The following DMD variants were observed in gnomAD, a reference collection of about 807,000 sequenced individuals.
DMD encodes the protein dystrophin.
In DMD, 63 loss-of-function variants were observed where a neutral mutation model predicts 330.1. The observed-to-expected ratio is 0.19, with a 90% CI of 0.16 to 0.24. DMD has a LOEUF of 0.24. Among genes scored for constraint, DMD ranks in the 10% least tolerant of loss-of-function variants. DMD has a pLI of 1.00. For synonymous variants in DMD, 1,223 were observed against 959.8 expected, an observed-to-expected ratio of 1.27 and a Z score of -5.07; for missense variants, 3,344 against 2,684.1, an observed-to-expected ratio of 1.25 and a Z score of -5.43.
In DMD at chrX:31,126,602, A is replaced by G. The variant is rs763743278; in HGVS notation, c.11046+40T>C. 124 of 1,161,889 alleles carry G rather than the reference A, an allele frequency of 1.1e-4. No homozygotes were observed. The Admixed American group carries it at 2.7e-3, about 25-fold the overall frequency. ...CGCCAAACATAAAAAGCAGGATGAG[A>G]CAGACAGAAGCCATGGCCGTGAGCC... On this transcript the variant is annotated intron_variant, in intron 78 of 78. Coordinates refer to ENST00000357033, the MANE Select transcript of DMD (RefSeq NM_004006.3).
intron 46 of DMD, among the ~76,000 whole-genome samples, chrX:31,931,278 C>A (rs1250059709): frequency 9.1e-6 from 1 of 110,129 alleles, no homozygotes. Flanking sequence ...TCACCTTCTG[C>A]TTGACAACTA....
At chrX:31,320,167 C>G (rs180872503) in intron 62 of DMD, among the ~76,000 whole-genome samples, 6 of 112,236 alleles carry the variant, frequency 5.3e-5, no homozygotes, top group Admixed American at 9.4e-5. Flanking sequence ...TAGACAAACA[C>G]GTAGTTTGAA....
chrX:33,322,247 G>C (rs1054613397), intron 1 of DMD, among the ~76,000 whole-genome samples: 7 of 110,789 alleles, frequency 6.3e-5, no homozygotes, highest in African/African-American at 2.3e-4. Flanking sequence ...ATCATCTCTA[G>C]CTTTTCATTT....
chrX:32,385,321 T>A (rs2097950309), intron 33 of DMD, among the ~76,000 whole-genome samples: 1 of 110,829 alleles, frequency 9.0e-6, no homozygotes, highest in Non-Finnish European at 1.9e-5. Flanking sequence ...TTCTCTTCAA[T>A]AAATGGTTCT....
chrX:31,892,901 TG>T (rs975914052), intron 47 of DMD, among the ~76,000 whole-genome samples: 1 of 112,393 alleles, frequency 8.9e-6, no homozygotes, highest in Non-Finnish European at 1.9e-5. Flanking sequence ...TTAGATACAC[TG>T]GGTTAAATAA....
At chrX:33,219,083 C>G (rs1371186032) in intron 1 of DMD, among the ~76,000 whole-genome samples, 2 of 111,637 alleles carry the variant, frequency 1.8e-5, no homozygotes, top group Non-Finnish European at 3.8e-5. Flanking sequence ...TTTGTCATGT[C>G]AGTATAAGTG....
rs1057299027 is a variant in DMD at position 32,578,534 on chromosome X, T to A, written c.1603-4688A>T. Among the ~76,000 whole-genome samples the A allele has an allele frequency of 2.7e-5, 3 of 111,974 alleles. No individual in the cohort carries two copies. The East Asian group carries it at 8.4e-4, about 31-fold the overall frequency. Reference sequence around the variant, plus strand: ...AATTCACATGTCATATTGTTGTACGTGCCAAGGACATTTCTCATCTGAATT... The same window carrying A: ...AATTCACATGTCATATTGTTGTACGAGCCAAGGACATTTCTCATCTGAATT... On this transcript the variant is annotated intron_variant, in intron 13 of 78. Coordinates refer to ENST00000357033, the MANE Select transcript of DMD (RefSeq NM_004006.3).
intron 54 of DMD, among the ~76,000 whole-genome samples, chrX:31,650,523 T>C (rs2080391723): frequency 9.0e-6 from 1 of 111,462 alleles, no homozygotes; most frequent in Non-Finnish European, 1.9e-5. Flanking sequence ...TAAAATAATA[T>C]AACAGTCTGC....
At chrX:32,751,504 G>A (rs2070808527) in intron 7 of DMD, among the ~76,000 whole-genome samples, 1 of 111,773 alleles carries the variant, frequency 8.9e-6, no homozygotes, top group African/African-American at 3.3e-5. Context: ...TTCGTGAGGT[G>A]ACTTGGGTCC....
At chrX:32,596,036 T>A (rs552747994) in intron 12 of DMD, among the ~76,000 whole-genome samples, 160 bp from the exon 13 acceptor site, 3 of 112,233 alleles carry the variant, frequency 2.7e-5, no homozygotes, top group African/African-American at 9.7e-5. Flanking sequence ...GCTATGACGC[T>A]CAGCAAAATT....
intron 4 of DMD, among the ~76,000 whole-genome samples, chrX:32,836,172 C>T (rs1382569241): frequency 9.5e-6 from 1 of 105,509 alleles, no homozygotes; most frequent in Non-Finnish European, 2.0e-5. Flanking sequence ...GCTGGAATTA[C>T]AGGCGCCAGC....
At chrX:32,213,370 G>A (rs759258000) in intron 44 of DMD, among the ~76,000 whole-genome samples, 3 of 112,402 alleles carry the variant, frequency 2.7e-5, no homozygotes, top group South Asian at 3.6e-4. Context: ...TTGCCTTATC[G>A]ATGAAGGTAT....
intron 41 of DMD, among the ~76,000 whole-genome samples, chrX:32,336,578 C>T (rs868859832): frequency 3.6e-5 from 4 of 111,222 alleles, no homozygotes; most frequent in Admixed American, 9.7e-5. Context: ...TAGAAGTAAC[C>T]GTAAGAGAAA....
At position 31,649,888 on chromosome X, in the gene DMD, G is replaced by T. The variant is rs770302175; in HGVS notation, c.8027+8102C>A. On this transcript the variant is annotated intron_variant, in intron 54 of 78. Transcript: ENST00000357033. ...CTACAAGGTACATTTCGCATAAGAG[G>T]AATTTAAAATAGGGTATTCAAAATT... Among the ~76,000 whole-genome samples, 22 of 111,010 alleles carry T rather than the reference G, an allele frequency of 2.0e-4. 1 individual carries two copies. The Middle Eastern group carries it at 0.014, about 70-fold the overall frequency.
At chrX:32,193,856 A>G (rs776174217) in intron 44 of DMD, among the ~76,000 whole-genome samples, 1 of 111,488 alleles carries the variant, frequency 9.0e-6, no homozygotes, top group South Asian at 3.8e-4. Context: ...TTCACAGTGG[A>G]AGATTATTGA....
chrX:31,201,170 C>CAT (rs1247855212), intron 67 of DMD, among the ~76,000 whole-genome samples: 1 of 104,298 alleles, frequency 9.6e-6, no homozygotes, highest in East Asian at 3.0e-4. Context: ...CACACACACA[C>CAT]ACACACACAC....
At chrX:31,663,209 G>A (rs1317797400) in intron 53 of DMD, among the ~76,000 whole-genome samples, 3 of 111,799 alleles carry the variant, frequency 2.7e-5, no homozygotes, top group African/African-American at 9.8e-5. Flanking sequence ...CCCACTGGAC[G>A]GCTGCTCCCT....
At chrX:33,292,084 C>A (rs1230463185) in intron 1 of DMD, among the ~76,000 whole-genome samples, 1 of 111,184 alleles carries the variant, frequency 9.0e-6, no homozygotes, top group East Asian at 2.8e-4. Flanking sequence ...GGTTTGTTTT[C>A]ATTCCCTTCC....
At chrX:32,720,855 A>G (rs2066227689) in intron 7 of DMD, among the ~76,000 whole-genome samples, 1 of 111,655 alleles carries the variant, frequency 9.0e-6, no homozygotes, top group African/African-American at 3.2e-5. Context: ...GCAAGTTTCC[A>G]TGTACACATT....
Sources: gnomAD v4.1 joint callset for allele counts (sites outside exome capture counted in the v4.1 genomes callset) on GRCh38, gnomAD v4.1.1 for gene constraint, MANE v1.5 for transcripts, NCBI Gene and HGNC (gene_info 2026-07-23, HGNC 2026-07-21) for gene names.